The following SRRM4 variants were observed in gnomAD, a reference collection of about 807,000 sequenced individuals.
SRRM4 encodes serine/arginine repetitive matrix 4, also known as serine/arginine repetitive matrix protein 4.
SRRM4 carries 33 observed loss-of-function variants against 68.9 expected under a neutral mutation model. The observed-to-expected ratio is 0.48, with a 90% confidence interval of 0.36 to 0.64. SRRM4 has a LOEUF of 0.64. SRRM4 is among the 30% of genes least tolerant of loss of function. SRRM4 has a pLI of 0.00. For missense variants in SRRM4, 817 were observed against 827.1 expected, an observed-to-expected ratio of 0.99 and a Z score of 0.15; for synonymous variants, 318 against 318.8, an observed-to-expected ratio of 1.00 and a Z score of 0.03.
intron 1 of SRRM4, 48 bp downstream of exon 1, chr12:118,982,061 T>C (rs1953251200): frequency 1.3e-6 from 2 of 1,566,208 alleles, no homozygotes; most frequent in South Asian, 2.4e-5. Context: ...TCCTCCTTTC[T>C]GGCCTGTGCC....
intron 8 of SRRM4, 74 bp downstream of exon 8, chr12:119,130,908 G>A (rs1954293708): frequency 2.1e-6 from 3 of 1,461,832 alleles, no homozygotes; most frequent in Non-Finnish European, 2.8e-6. Context: ...CAAGTTCAGG[G>A]CAGTGTATGG....
intron 1 of SRRM4, among the ~76,000 whole-genome samples, chr12:119,050,654 A>C (rs1190397178): frequency 6.6e-6 from 1 of 152,142 alleles, no homozygotes; most frequent in Non-Finnish European, 1.5e-5. Context: ...TTTGGTAAGA[A>C]CAAGAGCCAT....
intron 1 of SRRM4, among the ~76,000 whole-genome samples, chr12:118,983,696 G>T (rs1953264494): frequency 6.6e-6 from 1 of 152,096 alleles, no homozygotes; most frequent in African/African-American, 2.4e-5. Flanking sequence ...GCGGATTCTT[G>T]GTGGTGTTTT....
At chr12:118,999,023 C>A (rs1053318801) in intron 1 of SRRM4, among the ~76,000 whole-genome samples, 8 of 152,044 alleles carry the variant, frequency 5.3e-5, no homozygotes, top group Admixed American at 6.5e-5. Flanking sequence ...TTGTATAATC[C>A]AAGAGTGATA....
At chr12:119,053,668 C>A (rs1452836039) in intron 1 of SRRM4, among the ~76,000 whole-genome samples, 1 of 152,090 alleles carries the variant, frequency 6.6e-6, no homozygotes, top group South Asian at 2.1e-4. Flanking sequence ...ACTAACATAC[C>A]AATTTGCACA....
intron 4 of SRRM4, among the ~76,000 whole-genome samples, chr12:119,117,375 T>C (rs1417746998): frequency 6.6e-6 from 1 of 152,172 alleles, no homozygotes; most frequent in African/African-American, 2.4e-5. Flanking sequence ...CATCTCTCCA[T>C]GTTGCAGGCC....
rs536000831 is a variant in SRRM4 at position 119,104,759 on chromosome 12, T to C, written c.278+2377T>C. ...ACTGCTGCATACTTTACTGCATATGTAACTTCTGCATATGTAACCACTGTG... is the reference window on the plus strand; with the variant it reads ...ACTGCTGCATACTTTACTGCATATGCAACTTCTGCATATGTAACCACTGTG... On this transcript the variant is annotated intron_variant, in intron 2 of 12. Transcript: ENST00000267260. Among the ~76,000 whole-genome samples the C allele has an allele frequency of 1.0e-3, 135 of 129,734 alleles. 1 individual carries two copies. Among genetic ancestry groups the C allele is most frequent in the African/African-American group, 3.4e-3 (117 of 34,006 alleles). The allele number at this position is 129,734 out of a possible 152,430, so 85.1% of individuals were successfully genotyped here. A position where few individuals can be genotyped will look rare whatever the true frequency, so the allele number is the denominator to read the frequency against.
chr12:118,987,903 T>C (rs755123068), intron 1 of SRRM4, among the ~76,000 whole-genome samples: 2 of 152,242 alleles, frequency 1.3e-5, no homozygotes, highest in Non-Finnish European at 2.9e-5. Flanking sequence ...TTTTAAAATT[T>C]GTTTTCACAT....
At chr12:119,056,550 T>C (rs970426176) in intron 1 of SRRM4, among the ~76,000 whole-genome samples, 5 of 152,182 alleles carry the variant, frequency 3.3e-5, no homozygotes, top group African/African-American at 1.2e-4. Context: ...ACCTCTCTGA[T>C]CTTATCTTCT....
chr12:119,139,959 T>A (rs1954354522), intron 8 of SRRM4, among the ~76,000 whole-genome samples: 1 of 152,230 alleles, frequency 6.6e-6, no homozygotes, highest in African/African-American at 2.4e-5. Flanking sequence ...CATACAGGCA[T>A]ACACTATGTA....
chr12:119,103,291 T>A (rs1021657008), intron 2 of SRRM4, among the ~76,000 whole-genome samples: 4 of 152,148 alleles, frequency 2.6e-5, no homozygotes, highest in African/African-American at 9.7e-5. Flanking sequence ...TGGGGCTACA[T>A]GTGAATGTTT....
intron 1 of SRRM4, among the ~76,000 whole-genome samples, chr12:119,046,352 A>G (rs1327076008): frequency 6.6e-6 from 1 of 152,186 alleles, no homozygotes; most frequent in Non-Finnish European, 1.5e-5. Flanking sequence ...TCCGGGAGCT[A>G]GAAGGGACTC....
intron 1 of SRRM4, among the ~76,000 whole-genome samples, chr12:118,996,939 G>GGT (rs1953352955): frequency 6.6e-6 from 1 of 152,224 alleles, no homozygotes; most frequent in Non-Finnish European, 1.5e-5. Context: ...AGAGGAGGAA[G>GGT]GTTCTGCACA....
intron 1 of SRRM4, among the ~76,000 whole-genome samples, chr12:119,002,010 CT>C (rs900884898): frequency 6.7e-6 from 1 of 148,992 alleles, no homozygotes; most frequent in Non-Finnish European, 1.5e-5. Context: ...AATCACACAA[CT>C]AGAAAATGCT....
chr12:119,145,875 T>G (rs946164886), intron 9 of SRRM4, among the ~76,000 whole-genome samples, 190 bp downstream of exon 9: 2 of 151,998 alleles, frequency 1.3e-5, no homozygotes, highest in African/African-American at 4.8e-5. Context: ...GATTCAGGGG[T>G]TCAAAAATAT....
chr12:119,150,987 C>A, intron 9 of SRRM4, 30 bp from the exon 10 acceptor site: 2 of 1,605,458 alleles, frequency 1.2e-6, no homozygotes, highest in South Asian at 2.2e-5. Flanking sequence ...AGTGGGCAGT[C>A]GGTGCTCATG....
intron 1 of SRRM4, among the ~76,000 whole-genome samples, chr12:118,990,595 G>T (rs1953310400): frequency 6.6e-6 from 1 of 152,106 alleles, no homozygotes; most frequent in African/African-American, 2.4e-5. Flanking sequence ...GGGTGTTTTT[G>T]TTTTGTTTTG....
At chr12:118,994,604 G>A (rs1487503225) in intron 1 of SRRM4, among the ~76,000 whole-genome samples, 1 of 152,220 alleles carries the variant, frequency 6.6e-6, no homozygotes, top group Non-Finnish European at 1.5e-5. Context: ...CGCATGCCAA[G>A]GAAGGGGTGT....
At chr12:119,011,241 CAAAT>C (rs1305014634) in intron 1 of SRRM4, among the ~76,000 whole-genome samples, 5 of 151,944 alleles carry the variant, frequency 3.3e-5, no homozygotes, top group Admixed American at 6.5e-5. Context: ...TGGCAAAAAA[CAAAT>C]AAACAAAGTA....
Sources: gnomAD v4.1 joint callset for allele counts (sites outside exome capture counted in the v4.1 genomes callset) on GRCh38, gnomAD v4.1.1 for gene constraint, MANE v1.5 for transcripts, NCBI Gene and HGNC (gene_info 2026-07-23, HGNC 2026-07-21) for gene names.